TAAR5: variants seen among roughly 807,000 people sequenced by gnomAD.
The protein encoded by TAAR5 is trace amine-associated receptor 5.
Under a neutral mutation model 21.1 loss-of-function variants are expected in TAAR5, and 27 were observed. That is an observed-to-expected ratio of 1.28 (90% CI 0.94 to 1.76). TAAR5 has a LOEUF of 1.76. TAAR5 is among the 40% of genes most tolerant of loss of function. The pLI, the probability that TAAR5 is intolerant of heterozygous loss-of-function variation, is 0.00. For missense variants in TAAR5, 495 were observed against 405.6 expected (o/e 1.22, Z -1.89); for synonymous variants, 203 against 167.5 (o/e 1.21, Z -1.64).
chr6:132,615,077 C>T, the TAAR5 span, among the ~76,000 whole-genome samples: 11 of 152,040 alleles, frequency 7.2e-5, no homozygotes, highest in East Asian at 9.6e-4. Context: ...TTGGCCAGGA[C>T]GGTCTCCATC....
chr6:132,601,012 GGAAGGGGGGAAGGAGGGAAGGAGGGAAA>G, the TAAR5 span, among the ~76,000 whole-genome samples: 1 of 56,968 alleles, frequency 1.8e-5, no homozygotes, highest in African/African-American at 1.2e-4. Context: ...AGGGAAGGAA[GGAAGGGGGGAAGGAGGGAAGGAGGGAAA>G]GAAGGAAGGA....
rs12663573 is a variant in TAAR5 at position 132,589,656 on chromosome 6, C to T, written c.31G>A (p.Glu11Lys). The T allele has an allele frequency of 6.5e-7, 1 of 1,547,278 alleles. No homozygotes were observed. Among genetic ancestry groups the T allele is most frequent in the Non-Finnish European group, 8.8e-7 (1 of 1,139,318 alleles). The change falls in exon 1 of 1, where the codon GAG becomes AAG. Residue 11 changes from glutamate (E) to lysine (K), a missense_variant. Physicochemically the swap from Glu to Lys is moderately conservative, Grantham distance 56. Coordinates refer to ENST00000258034, the MANE Select transcript of TAAR5 (RefSeq NM_003967.3). MRAVFIQGAEEHPAAFCYQVN... is the reference protein window; with the variant it reads MRAVFIQGAEKHPAAFCYQVN... The stretch of plus-strand genomic sequence containing the variant: ...TGGTAGCAGAATGCCGCAGGGTGCT[C>T]TTCAGCACCTTGGATGAAGACAGCT...
the TAAR5 span, among the ~76,000 whole-genome samples, chr6:132,605,051 C>T: frequency 6.6e-6 from 1 of 152,184 alleles, no homozygotes; most frequent in South Asian, 2.1e-4. Context: ...CGATTTCACC[C>T]TCCTTCCACC....
the TAAR5 span, among the ~76,000 whole-genome samples, chr6:132,600,889 AAGGGAAGG>A: frequency 1.3e-4 from 3 of 22,984 alleles, no homozygotes; most frequent in African/African-American, 2.0e-4. Flanking sequence ...AGGAGGGAAG[AAGGGAAGG>A]AGGGAAGGAG....
the TAAR5 span, among the ~76,000 whole-genome samples, chr6:132,598,573 C>T: frequency 3.9e-5 from 6 of 152,162 alleles, no homozygotes; most frequent in Admixed American, 1.3e-4. Flanking sequence ...AACTTGGGGC[C>T]ACACTATTGT....
In TAAR5 at chr6:132,588,837, G is replaced by A. The variant is rs139429242; in HGVS notation, c.850C>T (p.Pro284Ser). 5 of 1,614,078 alleles carry A rather than the reference G, an allele frequency of 3.1e-6. No homozygotes were observed. Among genetic ancestry groups the A allele is most frequent in the Non-Finnish European group, 4.2e-6 (5 of 1,179,996 alleles). ...VDSLLHFITP[P>S]LVFDIFIWFA... is the part of the protein sequence containing the mutation. The stretch of plus-strand genomic sequence containing the variant: ...CAGATAAAGATGTCAAAGACCAGTG[G>A]GGGTGTGATAAAGTGAAGGAGGCTG... The change falls in exon 1 of 1, where the codon CCA becomes TCA. Residue 284 changes from proline (P) to serine (S), a missense_variant. Pro to Ser is a moderately conservative substitution (Grantham distance 74, BLOSUM62 -1). Transcript: ENST00000258034.
chr6:132,603,821 A>T, the TAAR5 span, among the ~76,000 whole-genome samples: 1 of 152,136 alleles, frequency 6.6e-6, no homozygotes, highest in Admixed American at 6.5e-5. Flanking sequence ...GTGTCTGATA[A>T]TTAAATCATC....
At position 132,589,584 on chromosome 6, in the gene TAAR5, A is replaced by C; in HGVS notation, c.103T>G (p.Leu35Val). The change falls in exon 1 of 1, where the codon TTG becomes GTG. Residue 35 changes from leucine (L) to valine (V), a missense_variant. Coordinates refer to ENST00000258034, the MANE Select transcript of TAAR5 (RefSeq NM_003967.3). ...PRTVHTLGIQ[L>V]VIYLACAAGM... The stretch of plus-strand genomic sequence containing the variant: ...GCTGCACAGGCCAGGTAGATGACCA[A>C]CTGGATGCCCAGAGTATGTACTGTC... 1 of 1,613,928 alleles carries C rather than the reference A, an allele frequency of 6.2e-7. No homozygotes were observed. The highest frequency in any genetic ancestry group is 8.5e-7 in the Non-Finnish European group (1 of 1,179,942).
At chr6:132,603,302 C>CAAAAAAA in the TAAR5 span, among the ~76,000 whole-genome samples, 1 of 99,258 alleles carries the variant, frequency 1.0e-5, no homozygotes, top group Non-Finnish European at 2.1e-5. Flanking sequence ...GACCCTATCT[C>CAAAAAAA]AAAAAAAAAA....
chr6:132,593,600 A>G (rs927324529), upstream of TAAR5, among the ~76,000 whole-genome samples: 1 of 152,150 alleles, frequency 6.6e-6, no homozygotes, highest in East Asian at 1.9e-4. Context: ...TTGAAAAACT[A>G]TTGAGCTAAT....
At chr6:132,606,228 C>A in the TAAR5 span, among the ~76,000 whole-genome samples, 13 of 152,094 alleles carry the variant, frequency 8.5e-5, no homozygotes, top group Admixed American at 2.6e-4. Context: ...AGGTAACAAA[C>A]CTGATCATGC....
chr6:132,609,717 C>T, the TAAR5 span, among the ~76,000 whole-genome samples: 1 of 152,136 alleles, frequency 6.6e-6, no homozygotes, highest in African/African-American at 2.4e-5. Flanking sequence ...ACTCAATACA[C>T]AAAAACCAAG....
In TAAR5 at chr6:132,589,402, T is replaced by C. The variant is rs1199086449; in HGVS notation, c.285A>G (p.Ser95=). Residue 95 remains serine (S), a synonymous_variant, in exon 1 of 1, where the codon TCA becomes TCG. Coordinates refer to ENST00000258034, the MANE Select transcript of TAAR5 (RefSeq NM_003967.3). ...LLVLPLSTIR[S]VESCWFFGDF... ...CCCCGAAGAACCAGCAGCTCTCCAC[T>C]GAGCGAATGGTGCTGAGGGGCAGCA... 3 of 1,614,054 alleles carry C rather than the reference T, an allele frequency of 1.9e-6. No homozygotes were observed. Among genetic ancestry groups the C allele is most frequent in the Non-Finnish European group, 2.5e-6 (3 of 1,179,964 alleles).
Position 132,589,286 on chromosome 6 carries a change from C to A in TAAR5, c.401G>T (p.Cys134Phe). 1 of 1,612,000 alleles carries A rather than the reference C, an allele frequency of 6.2e-7. No individual in the cohort carries two copies. Among genetic ancestry groups the A allele is most frequent in the Non-Finnish European group, 8.5e-7 (1 of 1,178,956 alleles). ...HLCFISIDRH[C>F]AICDPLLYPS... ...ATAGAGCAGGGGGTCACAGATGGCA[C>A]AGTGGCGGTCAATGGAAATGAAACA... Residue 134 changes from cysteine to phenylalanine, a missense_variant, in exon 1 of 1, where the codon TGT becomes TTT. By Grantham distance (205) the Cys-to-Phe change is radical (BLOSUM62 -2). Coordinates refer to ENST00000258034, the MANE Select transcript of TAAR5 (RefSeq NM_003967.3).
upstream of TAAR5, among the ~76,000 whole-genome samples, chr6:132,591,214 G>A (rs1422573961): frequency 6.6e-6 from 1 of 152,128 alleles, no homozygotes; most frequent in Admixed American, 6.5e-5. Context: ...ATATTATCAA[G>A]GTAAATAACA....
chr6:132,599,323 CTTTTT>C, the TAAR5 span, among the ~76,000 whole-genome samples: 3,651 of 98,338 alleles, frequency 0.037, 45 homozygotes, highest in African/African-American at 0.047. Flanking sequence ...CTTTTCTTTT[CTTTTT>C]TTTTTTTTTT....
chr6:132,588,688 A>G lies in TAAR5; in HGVS notation c.999T>C (p.Asp333=). Residue 333 remains aspartate (D), a synonymous_variant, in exon 1 of 1, where the codon GAT becomes GAC. Coordinates refer to ENST00000258034, the MANE Select transcript of TAAR5 (RefSeq NM_003967.3). ...KVFSPQTRTV[D]LYQE ...GTAGAAGGAATCATTCTTGGTACAA[A>G]TCAACAGTGCGTGTCTGCGGTGAGA... 1 of 1,612,258 alleles carries G rather than the reference A, an allele frequency of 6.2e-7. No individual in the cohort carries two copies.
At chr6:132,608,882 C>T in the TAAR5 span, 299 of 455,910 alleles carry the variant, frequency 6.6e-4, 1 homozygote, top group South Asian at 2.8e-3. Flanking sequence ...GGGTAACACA[C>T]GGCATAAAAT....
upstream of TAAR5, among the ~76,000 whole-genome samples, chr6:132,590,495 C>A (rs1776890145): frequency 6.6e-6 from 1 of 152,188 alleles, no homozygotes; most frequent in African/African-American, 2.4e-5. Flanking sequence ...GTTACTTACA[C>A]AGGTAGGAAT....
Sources: allele counts gnomAD v4.1 joint callset (sites outside exome capture counted in the v4.1 genomes callset), GRCh38; gene constraint gnomAD v4.1.1; transcripts MANE v1.5; gene names NCBI Gene and HGNC (gene_info 2026-07-23, HGNC 2026-07-21).